MYO16: variants seen among roughly 807,000 people sequenced by gnomAD.
MYO16 encodes unconventional myosin-XVI.
A neutral mutation model predicts 205.3 loss-of-function variants in MYO16; 94 were observed. That is an observed-to-expected ratio of 0.46 (90% CI 0.39 to 0.54). MYO16 has a LOEUF of 0.54. Among genes scored for constraint, MYO16 ranks in the 20% least tolerant of loss-of-function variants. MYO16 has a pLI of 0.00. For synonymous variants in MYO16, 988 were observed against 954.0 expected (o/e 1.04, Z -0.66); for missense variants, 2,315 against 2,387.5 (o/e 0.97, Z 0.63).
At chr13:108,679,795 T>G (rs1384387548) in intron 2 of MYO16, among the ~76,000 whole-genome samples, 1 of 152,026 alleles carries the variant, frequency 6.6e-6, no homozygotes, top group African/African-American at 2.4e-5. Context: ...AAACTTCTTT[T>G]CAAGAGAGTA....
chr13:108,963,467 T>C lies in MYO16; in HGVS notation c.2227+972T>C, dbSNP rs1428280029. 2.6e-5 allele frequency among the ~76,000 whole-genome samples: 4 copies of C among 152,188 alleles called. No homozygotes were observed. In the East Asian group the frequency reaches 7.7e-4, roughly 29 times the overall value. On this transcript the variant is annotated intron_variant, in intron 19 of 34. Coordinates refer to ENST00000457511, the MANE Select transcript of MYO16 (RefSeq NM_001198950.3). ...ATCTCCCATTCCTACTGCCTTCCCT[T>C]CATTTTCATCAGCACTGCTGAATTT... is the stretch of plus-strand genomic sequence containing the variant.
rs545694119 is a variant in MYO16 at position 109,142,102 on chromosome 13, A to G, written c.5164+726A>G. Among the ~76,000 whole-genome samples, 3 of 152,308 alleles carry G rather than the reference A, an allele frequency of 2.0e-5. No homozygotes were observed. In the East Asian group the frequency reaches 5.8e-4, roughly 29 times the overall value. Reference sequence around the variant, plus strand: ...TCCCTGTAGAAGAATGTACCTGGCAAAATAAGATTTTCATGACGACGTTTT... The same window carrying G: ...TCCCTGTAGAAGAATGTACCTGGCAGAATAAGATTTTCATGACGACGTTTT... On this transcript the variant is annotated intron_variant, in intron 32 of 34. Transcript: ENST00000457511.
intron 32 of MYO16, among the ~76,000 whole-genome samples, chr13:109,157,976 G>T (rs1878157316): frequency 6.6e-6 from 1 of 152,228 alleles, no homozygotes; most frequent in East Asian, 1.9e-4. Flanking sequence ...ATTTCTTTAA[G>T]TTCTAAAGTA....
the MYO16 span, among the ~76,000 whole-genome samples, chr13:108,555,738 A>G: frequency 1.3e-5 from 2 of 152,006 alleles, no homozygotes; most frequent in African/African-American, 2.4e-5. Flanking sequence ...ACATCCTCCC[A>G]ACTCCCTCCT....
intron 14 of MYO16, among the ~76,000 whole-genome samples, chr13:108,890,250 C>T (rs1880107853): frequency 6.6e-6 from 1 of 151,484 alleles, no homozygotes; most frequent in Admixed American, 6.6e-5. Context: ...TACTAAGTTT[C>T]TCTATTTCCA....
At chr13:108,819,883 C>T (rs989620668) in intron 7 of MYO16, among the ~76,000 whole-genome samples, 1 of 152,108 alleles carries the variant, frequency 6.6e-6, no homozygotes, top group Non-Finnish European at 1.5e-5. Context: ...AGGAGTATAG[C>T]TTATGTACTT....
chr13:109,011,974 A>G (rs536145216), intron 22 of MYO16, among the ~76,000 whole-genome samples: 1 of 152,280 alleles, frequency 6.6e-6, no homozygotes, highest in East Asian at 1.9e-4. Context: ...TGAATTCACA[A>G]TAGGGGTCAA....
intron 27 of MYO16, among the ~76,000 whole-genome samples, chr13:109,058,705 G>A (rs1478014785): frequency 6.6e-6 from 1 of 152,100 alleles, no homozygotes; most frequent in African/African-American, 2.4e-5. Flanking sequence ...CTGAAGGCTA[G>A]GGTGGCTGTA....
At chr13:108,903,238 T>C (rs1257193920) in intron 15 of MYO16, among the ~76,000 whole-genome samples, 1 of 152,236 alleles carries the variant, frequency 6.6e-6, no homozygotes, top group Non-Finnish European at 1.5e-5. Context: ...ACCCCTGGAA[T>C]TGCGAACAGC....
At chr13:109,179,069 A>G (rs1262515652) in intron 33 of MYO16, among the ~76,000 whole-genome samples, 3 of 152,180 alleles carry the variant, frequency 2.0e-5, no homozygotes, top group Non-Finnish European at 1.5e-5. Context: ...AAAATGAACT[A>G]CAGCCAGTGG....
At chr13:108,928,900 TAATA>T (rs1251603883) in intron 16 of MYO16, among the ~76,000 whole-genome samples, 1 of 152,210 alleles carries the variant, frequency 6.6e-6, no homozygotes, top group African/African-American at 2.4e-5. Flanking sequence ...GATTATAGCT[TAATA>T]AATTTACAAA....
chr13:109,198,564 T>C (rs1260975441), intron 34 of MYO16, among the ~76,000 whole-genome samples: 1 of 152,228 alleles, frequency 6.6e-6, no homozygotes. Context: ...TATTATGTTA[T>C]ATTTATAAAA....
At chr13:109,013,109 CCCCCA>C (rs1566460704) in intron 22 of MYO16, among the ~76,000 whole-genome samples, 2 of 5,972 alleles carry the variant, frequency 3.3e-4, no homozygotes, top group African/African-American at 5.7e-4. Context: ...TGCTACCCCT[CCCCCA>C]CCCCCCCCCA....
chr13:108,679,978 C>A (rs1027607418), intron 2 of MYO16, among the ~76,000 whole-genome samples: 2 of 152,114 alleles, frequency 1.3e-5, no homozygotes, highest in African/African-American at 4.8e-5. Flanking sequence ...ATGTTCTAGT[C>A]CCAATACTTG....
chr13:109,081,525 A>C lies in MYO16; in HGVS notation c.3336-19260A>C, dbSNP rs376708769. On this transcript the variant is annotated intron_variant, in intron 27 of 34. Coordinates refer to ENST00000457511, the MANE Select transcript of MYO16 (RefSeq NM_001198950.3). ...GTGGGGGTCAGCAGAGCCTAGGAGA[A>C]TAGCATGATACCTCCAGAGAAAAGA... Among the ~76,000 whole-genome samples the C allele has an allele frequency of 7.9e-5, 12 of 152,286 alleles. No homozygotes were observed. In the East Asian group the frequency reaches 1.5e-3, roughly 20 times the overall value.
At position 108,727,596 on chromosome 13, in the gene MYO16, A is replaced by G. The variant is rs1161936407; in HGVS notation, c.507+13A>G. 6.3e-7 allele frequency: 1 copy of G among 1,599,984 alleles called. No individual in the cohort carries two copies. The highest frequency in any genetic ancestry group is 1.1e-5 in the South Asian group (1 of 88,410). On this transcript the variant is annotated intron_variant, in intron 4 of 34. Coordinates refer to ENST00000457511, the MANE Select transcript of MYO16 (RefSeq NM_001198950.3). The stretch of plus-strand genomic sequence containing the variant: ...GCTTCTTGTATTAGTAAGTAAAGCA[A>G]TTCAGTTTACCATTTGAAGATTTGA...
At chr13:108,654,792 A>T (rs1054296958) in intron 1 of MYO16, among the ~76,000 whole-genome samples, 2 of 152,178 alleles carry the variant, frequency 1.3e-5, no homozygotes, top group Non-Finnish European at 2.9e-5. Flanking sequence ...CTTGTTGGGA[A>T]CTGGAGCAAA....
At chr13:108,809,816 C>T (rs1566343551) in intron 7 of MYO16, among the ~76,000 whole-genome samples, 2 of 152,196 alleles carry the variant, frequency 1.3e-5, no homozygotes, top group South Asian at 2.1e-4. Flanking sequence ...ATAGAAAGGG[C>T]CAGCGCTGGG....
chr13:109,114,415 C>T (rs931727548), intron 28 of MYO16, among the ~76,000 whole-genome samples: 13 of 152,158 alleles, frequency 8.5e-5, no homozygotes, highest in Admixed American at 5.2e-4. Flanking sequence ...TAGAGAGCTC[C>T]GATTCATCTT....
Sources: allele counts gnomAD v4.1 joint callset (sites outside exome capture counted in the v4.1 genomes callset), GRCh38; gene constraint gnomAD v4.1.1; transcripts MANE v1.5; gene names NCBI Gene and HGNC (gene_info 2026-07-23, HGNC 2026-07-21).